SCN1A: variants seen among roughly 807,000 people sequenced by gnomAD.
The protein encoded by SCN1A is sodium voltage-gated channel alpha subunit 1, also known as sodium channel protein type 1 subunit alpha.
SCN1A carries 13 observed loss-of-function variants against 193.7 expected under a neutral mutation model. That is an observed-to-expected ratio of 0.07 (90% CI 0.04 to 0.11). The LOEUF (loss-of-function observed/expected upper bound fraction) is 0.11, where lower values mean the gene tolerates loss of function less well. SCN1A is among the 10% of genes least tolerant of loss of function. The pLI, the probability that SCN1A is intolerant of heterozygous loss-of-function variation, is 1.00. For missense variants in SCN1A, 1,432 were observed against 2,451.1 expected, an observed-to-expected ratio of 0.58 and a Z score of 8.78; for synonymous variants, 781 against 843.6, an observed-to-expected ratio of 0.93 and a Z score of 1.29.
intron 2 of SCN1A, among the ~76,000 whole-genome samples, chr2:166,119,111 T>C (rs1231008217): frequency 6.6e-6 from 1 of 152,210 alleles, no homozygotes; most frequent in Non-Finnish European, 1.5e-5. Flanking sequence ...TAATGCTCCC[T>C]GGCCCACTGC....
chr2:166,096,761 T>G (rs1183571050), intron 2 of SCN1A, among the ~76,000 whole-genome samples: 1 of 152,214 alleles, frequency 6.6e-6, no homozygotes, highest in Non-Finnish European at 1.5e-5. Flanking sequence ...TTTTATTCTA[T>G]GCTATTCTAG....
chr2:166,053,241 T>C (rs2195144), intron 7 of SCN1A: 437,925 of 612,058 alleles, frequency 0.72, 158,501 homozygotes, highest in East Asian at 0.89. Flanking sequence ...TTATAAGTGG[T>C]AAATCAGGAA....
chr2:166,135,931 GGC>G (rs1691838515), intron 1 of SCN1A, among the ~76,000 whole-genome samples: 1 of 152,164 alleles, frequency 6.6e-6, no homozygotes, highest in Non-Finnish European at 1.5e-5. Context: ...AGAGGTGCTA[GGC>G]AGCGGCACTT....
intron 2 of SCN1A, 66 bp from the exon 3 acceptor site, chr2:166,077,867 T>C (rs561269057): frequency 6.6e-6 from 1 of 151,720 alleles, no homozygotes; most frequent in Non-Finnish European, 1.5e-5. Context: ...ATCCAGACAA[T>C]GGAATATTAC....
intron 11 of SCN1A, 32 bp from the exon 12 acceptor site, chr2:166,047,008 A>G (rs755106910): frequency 1.2e-6 from 2 of 1,608,652 alleles, no homozygotes; most frequent in Non-Finnish European, 1.7e-6. Flanking sequence ...TTATTTCTCA[A>G]TATTATTTCA....
At chr2:166,018,344 T>TA (rs1372914666) in intron 19 of SCN1A, among the ~76,000 whole-genome samples, 1 of 152,012 alleles carries the variant, frequency 6.6e-6, no homozygotes, top group East Asian at 1.9e-4. Context: ...TTATCTGACT[T>TA]ACCTAAGTTG....
At chr2:166,000,993 T>A (rs993043936) in intron 24 of SCN1A, among the ~76,000 whole-genome samples, 3 of 151,540 alleles carry the variant, frequency 2.0e-5, no homozygotes, top group Non-Finnish European at 4.4e-5. Context: ...TTGCTTAAAA[T>A]TTTTAATTTT....
chr2:166,131,069 AT>A (rs1383108470), upstream of SCN1A, among the ~76,000 whole-genome samples: 1 of 76,756 alleles, frequency 1.3e-5, no homozygotes, highest in African/African-American at 5.7e-5. Context: ...CATTTTATTT[AT>A]TTTTTTGTAG....
At chr2:166,118,248 G>GA (rs1177766691) in intron 2 of SCN1A, among the ~76,000 whole-genome samples, 1 of 120,690 alleles carries the variant, frequency 8.3e-6, no homozygotes, top group African/African-American at 3.1e-5. Context: ...ATTTCAGGAA[G>GA]AAAAATCACA....
chr2:166,144,608 GTAA>G (rs1424288007), intron 1 of SCN1A, among the ~76,000 whole-genome samples: 1 of 152,156 alleles, frequency 6.6e-6, no homozygotes, highest in African/African-American at 2.4e-5. Context: ...CAAAGCACTG[GTAA>G]TCTCTCTGAA....
intron 2 of SCN1A, among the ~76,000 whole-genome samples, chr2:166,084,856 A>C (rs1685933223): frequency 6.6e-6 from 1 of 152,102 alleles, no homozygotes; most frequent in Non-Finnish European, 1.5e-5. Context: ...GAAGTGGCCA[A>C]CCTGGAAATT....
At chr2:166,140,272 G>A (rs1318538909) in intron 1 of SCN1A, among the ~76,000 whole-genome samples, 7 of 152,090 alleles carry the variant, frequency 4.6e-5, no homozygotes, top group Admixed American at 1.3e-4. Flanking sequence ...TCTGCAATTC[G>A]AGTTCACAGG....
At chr2:166,063,773 G>A (rs571619833) in intron 4 of SCN1A, among the ~76,000 whole-genome samples, 2 of 152,030 alleles carry the variant, frequency 1.3e-5, no homozygotes, top group Admixed American at 1.3e-4. Flanking sequence ...CAACATATCT[G>A]AATTATTATC....
At chr2:166,125,996 GACAA>G (rs2106270585) in intron 2 of SCN1A, among the ~76,000 whole-genome samples, 2 of 152,272 alleles carry the variant, frequency 1.3e-5, no homozygotes, top group South Asian at 2.1e-4. Flanking sequence ...AAACAAAACA[GACAA>G]ACAATGTGAA....
intron 19 of SCN1A, among the ~76,000 whole-genome samples, chr2:166,031,981 G>A (rs573588673): frequency 8.6e-5 from 13 of 151,994 alleles, no homozygotes; most frequent in Non-Finnish European, 1.9e-4. Context: ...TTTAGTGTAT[G>A]AAGAATAAAC....
chr2:166,061,694 G>A (rs908309481), intron 4 of SCN1A, among the ~76,000 whole-genome samples: 5 of 152,046 alleles, frequency 3.3e-5, no homozygotes, highest in Non-Finnish European at 4.4e-5. Context: ...CAATTATTAC[G>A]TGTCAATTTA....
intron 4 of SCN1A, among the ~76,000 whole-genome samples, chr2:166,072,969 G>T (rs1288897622): frequency 6.6e-6 from 1 of 151,436 alleles, no homozygotes; most frequent in African/African-American, 2.4e-5. Context: ...CCTCCTGAGT[G>T]ACTGGGACTA....
intron 7 of SCN1A, 79 bp from the exon 8 acceptor site, chr2:166,053,022 C>G: frequency 7.0e-7 from 1 of 1,423,676 alleles, no homozygotes; most frequent in Non-Finnish European, 9.9e-7. Context: ...CTATCCTTTA[C>G]TCTAATCACT....
In SCN1A at chr2:166,001,877, CTCTTTTTTTTTTTTTTTTTTT is replaced by C. The variant is rs1690900920; in HGVS notation, c.4284+574_4284+594del. 1.2e-4 allele frequency among the ~76,000 whole-genome samples: 13 copies of C among 113,014 alleles called. No individual in the cohort carries two copies. In the South Asian group the frequency reaches 4.1e-3, roughly 35 times the overall value. 74.1% of individuals were successfully genotyped at this position (113,014 alleles called of 152,430 possible). On this transcript the variant is annotated intron_variant, in intron 24 of 28. Coordinates refer to ENST00000674923, the MANE Select transcript of SCN1A (RefSeq NM_001165963.4). ...TAGTTGCTTCCAGGTATAATTCTCT[CTCTTTTTTTTTTTTTTTTTTT>C]TTTTTTTTAGATGGAGTTTCACTCT...
Sources: allele counts gnomAD v4.1 joint callset (sites outside exome capture counted in the v4.1 genomes callset), GRCh38; gene constraint gnomAD v4.1.1; transcripts MANE v1.5; gene names NCBI Gene and HGNC (gene_info 2026-07-23, HGNC 2026-07-21).